ADGB: variants seen among roughly 807,000 people sequenced by gnomAD.
ADGB encodes the protein androglobin, also known as calpain-7-like protein.
Under a neutral mutation model 210.5 loss-of-function variants are expected in ADGB, and 172 were observed. That is an observed-to-expected ratio of 0.82 (90% CI 0.72 to 0.93). The LOEUF (loss-of-function observed/expected upper bound fraction) is 0.93. ADGB is among the 40% of genes least tolerant of loss of function. The pLI is 0.00. For missense variants in ADGB, 2,025 were observed against 1,964.8 expected, an observed-to-expected ratio of 1.03 and a Z score of -0.58; for synonymous variants, 658 against 662.7, an observed-to-expected ratio of 0.99 and a Z score of 0.11.
intron 1 of ADGB, among the ~76,000 whole-genome samples, chr6:146,620,259 G>A (rs548288599): frequency 6.6e-6 from 1 of 152,120 alleles, no homozygotes; most frequent in East Asian, 1.9e-4. Flanking sequence ...ATCCCTCTTC[G>A]GGTTGAATTT....
chr6:146,686,481 TCA>T (rs538619907), intron 10 of ADGB, among the ~76,000 whole-genome samples: 162 of 152,230 alleles, frequency 1.1e-3, no homozygotes, highest in African/African-American at 3.8e-3. Context: ...TTTACTGGAA[TCA>T]CACTTTATGT....
chr6:146,776,382 T>A (rs970107562), intron 29 of ADGB, among the ~76,000 whole-genome samples: 3 of 152,090 alleles, frequency 2.0e-5, no homozygotes, highest in African/African-American at 7.2e-5. Context: ...TATTATTAGT[T>A]CAACATTATA....
At position 146,691,283 on chromosome 6, in the gene ADGB, A is replaced by C; in HGVS notation, c.1479A>C (p.Glu493Asp). Residue 493 changes from glutamate to aspartate, a missense_variant, in exon 11 of 36, where the codon GAA becomes GAC. By Grantham distance (45) the Glu-to-Asp change is conservative. Coordinates refer to ENST00000397944, the MANE Select transcript of ADGB (RefSeq NM_024694.4). ...AAAAGGAAACTGTTATAACAGATGA[A>C]GCTCAAGGTATGTATCACATCATCT... ...RQKKETVITD[E>D]AQELIVKKPE... 6.5e-7 allele frequency: 1 copy of C among 1,544,042 alleles called. No homozygotes were observed. Among genetic ancestry groups the C allele is most frequent in the South Asian group, 1.2e-5 (1 of 83,452 alleles).
At chr6:146,613,027 G>C (rs1377572191) in intron 1 of ADGB, among the ~76,000 whole-genome samples, 1 of 151,910 alleles carries the variant, frequency 6.6e-6, no homozygotes, top group African/African-American at 2.4e-5. Context: ...TCTCTCTTCC[G>C]TGCTAATAAA....
At chr6:146,770,493 T>C in intron 29 of ADGB, 1 of 420,244 alleles carries the variant, frequency 2.4e-6, no homozygotes, top group Non-Finnish European at 5.2e-6. Context: ...GGTTCCTCTC[T>C]CATTGGGCAG....
At chr6:146,692,974 T>G (rs1776352738) in intron 12 of ADGB, 59 bp downstream of exon 12, 5 of 989,308 alleles carry the variant, frequency 5.1e-6, no homozygotes, top group Non-Finnish European at 7.5e-6. Flanking sequence ...TTGTGATGTG[T>G]CTGGCTAAAG....
chr6:146,702,400 T>C (rs966633473), intron 13 of ADGB, among the ~76,000 whole-genome samples: 2 of 151,852 alleles, frequency 1.3e-5, no homozygotes, highest in African/African-American at 4.8e-5. Flanking sequence ...ATGCCTGAGG[T>C]TGCTATTTTT....
chr6:146,755,133 A>C (rs1777387897), intron 27 of ADGB, among the ~76,000 whole-genome samples: 1 of 152,038 alleles, frequency 6.6e-6, no homozygotes, highest in Admixed American at 6.6e-5. Context: ...ACCTTCTCTT[A>C]ACTTTAACAG....
intron 5 of ADGB, among the ~76,000 whole-genome samples, chr6:146,659,050 G>A (rs1775820721): frequency 6.6e-6 from 1 of 152,188 alleles, no homozygotes; most frequent in Non-Finnish European, 1.5e-5. Context: ...CCAGGTGATA[G>A]GGCTGAGTCA....
chr6:146,685,762 G>T lies in ADGB; in HGVS notation c.1245G>T (p.Met415Ile). The T allele has an allele frequency of 1.3e-6, 2 of 1,537,110 alleles. No homozygotes were observed. Among genetic ancestry groups the T allele is most frequent in the Non-Finnish European group, 1.8e-6 (2 of 1,140,938 alleles). The part of the protein sequence containing the change: ...DCSSAIQTSH[M>I]VVYATFTPLY... ...CTTCTGCAATACAGACCTCTCATAT[G>T]GTCGTATATGCGACATTTACACCTC... The change falls in exon 10 of 36, where the codon ATG (methionine) becomes ATT (isoleucine). Residue 415 changes from methionine (M) to isoleucine (I), a missense_variant. By Grantham distance (10) the Met-to-Ile change is conservative (BLOSUM62 1). Coordinates refer to ENST00000397944, the MANE Select transcript of ADGB (RefSeq NM_024694.4).
At chr6:146,774,620 T>C (rs1189282299) in intron 29 of ADGB, among the ~76,000 whole-genome samples, 2 of 152,198 alleles carry the variant, frequency 1.3e-5, no homozygotes, top group East Asian at 3.8e-4. Flanking sequence ...TCAGAATAAT[T>C]AAGTCTTTAA....
At chr6:146,803,179 T>C (rs1484532453) in intron 35 of ADGB, 2 of 1,492,250 alleles carry the variant, frequency 1.3e-6, no homozygotes, top group Middle Eastern at 1.8e-4. Flanking sequence ...AGTTCACTTA[T>C]ACTTCTCCTT....
At chr6:146,630,111 C>T (rs894097118) in intron 1 of ADGB, among the ~76,000 whole-genome samples, 5 of 151,768 alleles carry the variant, frequency 3.3e-5, no homozygotes, top group African/African-American at 1.2e-4. Flanking sequence ...GTGGCAGGTG[C>T]CTGTAGTCCC....
At chr6:146,640,811 A>G (rs2114865141) in intron 2 of ADGB, among the ~76,000 whole-genome samples, 1 of 152,170 alleles carries the variant, frequency 6.6e-6, no homozygotes, top group Admixed American at 6.6e-5. Context: ...CGTTATACTG[A>G]ATGGGCAAAA....
chr6:146,626,323 CTT>C (rs568918832), intron 1 of ADGB, among the ~76,000 whole-genome samples: 22 of 151,934 alleles, frequency 1.4e-4, no homozygotes, highest in African/African-American at 4.3e-4. Context: ...AATAAAATAA[CTT>C]GTGTATTTTG....
chr6:146,666,365 T>G (rs1312757502), intron 6 of ADGB, among the ~76,000 whole-genome samples: 1 of 152,044 alleles, frequency 6.6e-6, no homozygotes, highest in African/African-American at 2.4e-5. Flanking sequence ...CACAGTTATC[T>G]AAGGATTTCT....
Position 146,799,878 on chromosome 6 carries a change from T to C in ADGB, c.4538-1305T>C, listed in dbSNP as rs184216758. On this transcript the variant is annotated intron_variant, in intron 33 of 35. Coordinates refer to ENST00000397944, the MANE Select transcript of ADGB (RefSeq NM_024694.4). Reference sequence around the variant, plus strand: ...AGGCTGGAGTGCAATGGTGCGATCTTGGCTCACTGCAACTTCTGCCGCCCG... The same window carrying C: ...AGGCTGGAGTGCAATGGTGCGATCTCGGCTCACTGCAACTTCTGCCGCCCG... Among the ~76,000 whole-genome samples the C allele has an allele frequency of 6.0e-4, 91 of 152,098 alleles. 1 individual carries two copies. The highest frequency in any genetic ancestry group is 5.2e-3 in the Admixed American group (80 of 15,276).
At chr6:146,714,183 G>T (rs748487415) in intron 13 of ADGB, among the ~76,000 whole-genome samples, 7 of 152,090 alleles carry the variant, frequency 4.6e-5, no homozygotes, top group Non-Finnish European at 7.4e-5. Context: ...GAAATTTAAG[G>T]CACCAAAGAG....
intron 20 of ADGB, 111 bp from the exon 21 acceptor site, chr6:146,733,009 A>G (rs1777017859): frequency 2.3e-6 from 2 of 872,082 alleles, no homozygotes; most frequent in East Asian, 2.9e-5. Flanking sequence ...TTGCGTGTAC[A>G]TCTGAGAAAT....
Sources: allele counts gnomAD v4.1 joint callset (sites outside exome capture counted in the v4.1 genomes callset), GRCh38; gene constraint gnomAD v4.1.1; transcripts MANE v1.5; gene names NCBI Gene and HGNC (gene_info 2026-07-23, HGNC 2026-07-21).